Variants in CBFA2T3 observed in about 807,000 individuals in gnomAD.
CBFA2T3 encodes transcriptional corepressor CBFA2T3.
A neutral mutation model predicts 58.6 loss-of-function variants in CBFA2T3; 31 were observed. The observed-to-expected ratio is 0.53, with a 90% CI of 0.40 to 0.71. The LOEUF is 0.71. CBFA2T3 is among the 30% of genes least tolerant of loss of function. The pLI is 0.00. For missense variants in CBFA2T3, 1,076 were observed against 963.1 expected, an observed-to-expected ratio of 1.12 and a Z score of -1.55; for synonymous variants, 531 against 421.9, an observed-to-expected ratio of 1.26 and a Z score of -3.17.
In CBFA2T3 at chr16:88,958,650, A is replaced by G. The variant is rs369289167; in HGVS notation, c.151+18007T>C. 1.4e-4 allele frequency among the ~76,000 whole-genome samples: 22 copies of G among 152,228 alleles called. No individual in the cohort carries two copies. In the East Asian group the frequency reaches 4.3e-3, roughly 29 times the overall value. ...CACAGTCGCCGCCCAGCAGCCCAGC[A>G]CTACCTTTGGAGGGAGACAAACTCG... On this transcript the variant is annotated intron_variant, in intron 1 of 11. Transcript: ENST00000268679. The surrounding 1 kb of genome is among the most constrained non-coding windows in gnomAD (Gnocchi z 4.0).
chr16:88,884,400 C>T (rs554825714), intron 7 of CBFA2T3, among the ~76,000 whole-genome samples: 7 of 152,302 alleles, frequency 4.6e-5, no homozygotes, highest in African/African-American at 1.2e-4. Context: ...GCACAGAGGC[C>T]GTCAAAACGT....
chr16:88,946,844 A>G (rs1567627984), intron 1 of CBFA2T3, among the ~76,000 whole-genome samples: 1 of 152,120 alleles, frequency 6.6e-6, no homozygotes, highest in Non-Finnish European at 1.5e-5. Flanking sequence ...GGAGTGCAGT[A>G]GCGTGATCAC....
chr16:88,896,730 G>T (rs534893960), intron 3 of CBFA2T3, among the ~76,000 whole-genome samples: 1 of 152,192 alleles, frequency 6.6e-6, no homozygotes, highest in Non-Finnish European at 1.5e-5. Flanking sequence ...CAGGACTGTG[G>T]ACCTTCCAGC....
intron 1 of CBFA2T3, among the ~76,000 whole-genome samples, chr16:88,948,113 G>T (rs891945640): frequency 6.6e-6 from 1 of 152,122 alleles, no homozygotes; most frequent in Non-Finnish European, 1.5e-5. Context: ...TAAATAACTC[G>T]ATCAGAACGG....
At chr16:88,929,026 T>C (rs1473492845) in intron 1 of CBFA2T3, among the ~76,000 whole-genome samples, 1 of 152,146 alleles carries the variant, frequency 6.6e-6, no homozygotes, top group African/African-American at 2.4e-5. Context: ...TCGGCTCCGT[T>C]CCTGGAGAGC....
chr16:88,975,303 G>A (rs1474844601), intron 1 of CBFA2T3, among the ~76,000 whole-genome samples: 1 of 142,900 alleles, frequency 7.0e-6, no homozygotes, highest in East Asian at 2.1e-4. Flanking sequence ...CTCAGGCACG[G>A]GGCCACCTCT....
intron 1 of CBFA2T3, among the ~76,000 whole-genome samples, chr16:88,908,167 C>T (rs1970401397): frequency 6.6e-6 from 1 of 152,130 alleles, no homozygotes; most frequent in African/African-American, 2.4e-5. Context: ...CATGGTGAAA[C>T]CCCGTCTCTA....
At chr16:88,965,812 T>A (rs552801355) in intron 1 of CBFA2T3, among the ~76,000 whole-genome samples, 1 of 152,234 alleles carries the variant, frequency 6.6e-6, no homozygotes, top group African/African-American at 2.4e-5. Flanking sequence ...AATTTCATCT[T>A]ATAGGGGAAC....
rs143017183 is a variant in CBFA2T3 at position 88,899,295 on chromosome 16, C to T, written c.305-1143G>A. Among the ~76,000 whole-genome samples the T allele has an allele frequency of 3.6e-4, 55 of 152,196 alleles. 1 individual carries two copies. The East Asian group carries it at 7.9e-3, about 22-fold the overall frequency. On this transcript the variant is annotated intron_variant, in intron 2 of 11. Coordinates refer to ENST00000268679, the MANE Select transcript of CBFA2T3 (RefSeq NM_005187.6). ...CACCCACCAGCCAGGGGCAGGGGTG[C>T]GGCCAACCACCTGGCTTTCACGGAA...
At chr16:88,932,879 G>T (rs1471275612) in intron 1 of CBFA2T3, among the ~76,000 whole-genome samples, 1 of 147,700 alleles carries the variant, frequency 6.8e-6, no homozygotes, top group Non-Finnish European at 1.5e-5. Context: ...TGACGCAGGA[G>T]AATCACTTGA....
chr16:88,970,533 C>G (rs564301764), intron 1 of CBFA2T3, among the ~76,000 whole-genome samples: 7 of 152,348 alleles, frequency 4.6e-5, no homozygotes, highest in African/African-American at 1.7e-4. Context: ...GTGTCCTCAT[C>G]TGAGGTCAGC....
intron 1 of CBFA2T3, among the ~76,000 whole-genome samples, chr16:88,921,933 G>A (rs572598107): frequency 4.8e-4 from 73 of 152,342 alleles, no homozygotes; most frequent in African/African-American, 1.6e-3. Context: ...ACCTCTCTGC[G>A]CGGCGCATTT....
intron 9 of CBFA2T3, 199 bp from the exon 10 acceptor site, chr16:88,880,987 C>G: frequency 1.5e-6 from 1 of 673,906 alleles, no homozygotes. Flanking sequence ...GAGCTGTGGA[C>G]CTTGGACTCG....
intron 1 of CBFA2T3, among the ~76,000 whole-genome samples, chr16:88,944,101 G>T (rs1971837050): frequency 6.6e-6 from 1 of 152,276 alleles, no homozygotes; most frequent in African/African-American, 2.4e-5. Context: ...ACTTTGGGAG[G>T]CCGAGGCCGG....
intron 1 of CBFA2T3, among the ~76,000 whole-genome samples, chr16:88,944,194 G>A (rs1165153095): frequency 3.3e-5 from 5 of 151,872 alleles, no homozygotes; most frequent in Non-Finnish European, 4.4e-5. Context: ...AAAATTAGCC[G>A]GGCGTGGTTG....
chr16:88,908,964 C>A (rs1970431782), intron 1 of CBFA2T3, among the ~76,000 whole-genome samples: 1 of 152,154 alleles, frequency 6.6e-6, no homozygotes, highest in East Asian at 1.9e-4. Flanking sequence ...GCCCTGGGCA[C>A]CTGGCTCTGG....
chr16:88,891,263 T>A (rs959352279), intron 5 of CBFA2T3, among the ~76,000 whole-genome samples: 2 of 151,984 alleles, frequency 1.3e-5, no homozygotes, highest in Non-Finnish European at 2.9e-5. Context: ...GGGCGCCCCA[T>A]ACCTCAGGGC....
rs8063849 is a variant in CBFA2T3, at chr16:88,909,955, C to T, written c.152-8299G>A. Among the ~76,000 whole-genome samples, 1,238 of 152,320 alleles carry T rather than the reference C, an allele frequency of 8.1e-3. 20 individuals carry two copies. The highest frequency in any genetic ancestry group is 0.029 in the African/African-American group (1,187 of 41,550). On this transcript the variant is annotated intron_variant, in intron 1 of 11. Coordinates refer to ENST00000268679, the MANE Select transcript of CBFA2T3 (RefSeq NM_005187.6). ...TGGGGAACCAGAGGGACGAGCCACC[C>T]TCCAACACATTTCCCAAGAGCTGTC...
At chr16:88,965,966 T>C (rs1972490581) in intron 1 of CBFA2T3, among the ~76,000 whole-genome samples, 1 of 152,210 alleles carries the variant, frequency 6.6e-6, no homozygotes, top group Non-Finnish European at 1.5e-5. Context: ...TGTGGGCTGA[T>C]GTCAGGGGAG....
Sources: allele counts gnomAD v4.1 joint callset (sites outside exome capture counted in the v4.1 genomes callset), GRCh38; gene constraint gnomAD v4.1.1; non-coding constraint Gnocchi (gnomAD v3.1); transcripts MANE v1.5; gene names NCBI Gene and HGNC (gene_info 2026-07-23, HGNC 2026-07-21).